Variants in NRXN1 observed in about 807,000 individuals in gnomAD.
NRXN1 encodes neurexin 1.
NRXN1 carries 39 observed loss-of-function variants against 150.9 expected under a neutral mutation model. The ratio of observed to expected loss-of-function variants is 0.26; its 90% CI spans 0.20 to 0.34. NRXN1 has a LOEUF of 0.34. Ranked by LOEUF, NRXN1 falls within the 10% of genes least tolerant of loss-of-function variation. The pLI, the probability that NRXN1 is intolerant of heterozygous loss-of-function variation, is 1.00. For missense variants in NRXN1, 1,815 were observed against 1,949.9 expected (o/e 0.93, Z 1.30); for synonymous variants, 924 against 757.0 (o/e 1.22, Z -3.62).
chr2:50,144,364 G>A (rs1307943604), intron 18 of NRXN1, among the ~76,000 whole-genome samples: 1 of 151,670 alleles, frequency 6.6e-6, no homozygotes, highest in Non-Finnish European at 1.5e-5. Context: ...TTTCATCCAG[G>A]TTGATACTCA....
intron 2 of NRXN1, among the ~76,000 whole-genome samples, chr2:50,975,604 AAT>A (rs1695698033): frequency 6.6e-6 from 1 of 152,088 alleles, no homozygotes; most frequent in Admixed American, 6.6e-5. Flanking sequence ...ATACTCTTGA[AAT>A]ATATTTAACA....
intron 5 of NRXN1, among the ~76,000 whole-genome samples, chr2:50,705,642 T>G (rs1694332768): frequency 6.6e-6 from 1 of 152,176 alleles, no homozygotes; most frequent in African/African-American, 2.4e-5. Flanking sequence ...CTTGAATAAT[T>G]CAGTGGGAAA....
At chr2:50,939,399 T>G (rs1689064903) in intron 2 of NRXN1, among the ~76,000 whole-genome samples, 1 of 151,952 alleles carries the variant, frequency 6.6e-6, no homozygotes, top group African/African-American at 2.4e-5. Flanking sequence ...ATAATTTTGT[T>G]TACAATCTAA....
chr2:50,585,525 G>A (rs1672962518), intron 8 of NRXN1, among the ~76,000 whole-genome samples: 1 of 152,042 alleles, frequency 6.6e-6, no homozygotes, highest in Admixed American at 6.6e-5. Flanking sequence ...TATGTAATTT[G>A]TTTTTTATGA....
chr2:51,010,684 C>G (rs1575212143), intron 2 of NRXN1, among the ~76,000 whole-genome samples: 1 of 151,984 alleles, frequency 6.6e-6, no homozygotes, highest in East Asian at 1.9e-4. Context: ...GTTAAACTGC[C>G]TCTCAAAAGA....
chr2:50,250,915 C>T (rs758583932), intron 17 of NRXN1, among the ~76,000 whole-genome samples: 27 of 150,712 alleles, frequency 1.8e-4, no homozygotes, highest in Non-Finnish European at 3.4e-4. Flanking sequence ...ATATTTATTA[C>T]ACATTGCATA....
intron 8 of NRXN1, chr2:50,619,389 C>G (rs990778535): frequency 7.9e-5 from 12 of 152,078 alleles, no homozygotes; most frequent in African/African-American, 2.9e-4. Context: ...CAACAAATTC[C>G]AATCTTATAC....
intron 17 of NRXN1, among the ~76,000 whole-genome samples, chr2:50,249,822 G>A (rs1056348364): frequency 6.6e-6 from 1 of 151,934 alleles, no homozygotes; most frequent in African/African-American, 2.4e-5. Flanking sequence ...ATTTTTAGTA[G>A]AGATGGGGTT....
At chr2:50,804,820 A>T (rs1045072566) in intron 5 of NRXN1, among the ~76,000 whole-genome samples, 1 of 152,058 alleles carries the variant, frequency 6.6e-6, no homozygotes, top group Non-Finnish European at 1.5e-5. Context: ...TATCAAAACC[A>T]CTTTTCTCTC....
At chr2:49,952,601 T>A (rs1362910410) in intron 21 of NRXN1, among the ~76,000 whole-genome samples, 2 of 152,238 alleles carry the variant, frequency 1.3e-5, no homozygotes, top group South Asian at 2.1e-4. Context: ...CCTAAATGCA[T>A]AACTAATTTT....
At chr2:50,405,824 CA>C (rs2082715780) in intron 17 of NRXN1, among the ~76,000 whole-genome samples, 1 of 152,016 alleles carries the variant, frequency 6.6e-6, no homozygotes. Context: ...ATAATAATTA[CA>C]GGAAAAATAA....
intron 17 of NRXN1, among the ~76,000 whole-genome samples, chr2:50,366,212 T>C (rs1376858311): frequency 1.3e-5 from 2 of 150,682 alleles, no homozygotes; most frequent in African/African-American, 4.9e-5. Context: ...GAATGCAACG[T>C]ATGTTGAGAT....
At chr2:50,564,588 A>C (rs1474152120) in intron 8 of NRXN1, among the ~76,000 whole-genome samples, 1 of 152,154 alleles carries the variant, frequency 6.6e-6, no homozygotes. Flanking sequence ...AATGATATTA[A>C]ATTGATGGAA....
intron 9 of NRXN1, among the ~76,000 whole-genome samples, chr2:50,544,209 C>A (rs1311994160): frequency 2.0e-5 from 3 of 148,424 alleles, no homozygotes; most frequent in Non-Finnish European, 3.0e-5. Context: ...CAAATTCAAA[C>A]TTGATGAAAT....
At chr2:50,829,697 C>T (rs1671118432) in intron 5 of NRXN1, 31 of 1,604,722 alleles carry the variant, frequency 1.9e-5, no homozygotes, top group Admixed American at 1.0e-4. Flanking sequence ...CGCGCCAGGC[C>T]GCCCGCACAC....
intron 2 of NRXN1, among the ~76,000 whole-genome samples, chr2:50,933,676 G>A (rs1310886766): frequency 6.6e-6 from 1 of 152,058 alleles, no homozygotes; most frequent in Admixed American, 6.6e-5. Context: ...CCATGATCTT[G>A]ATTAATCCAT....
chr2:50,070,978 T>C (rs1312542558), intron 19 of NRXN1, among the ~76,000 whole-genome samples: 4 of 152,208 alleles, frequency 2.6e-5, no homozygotes, highest in Non-Finnish European at 4.4e-5. Context: ...TTTCTAGTGA[T>C]CTCTAAATGC....
At chr2:49,984,249 C>G (rs1346658082) in intron 21 of NRXN1, among the ~76,000 whole-genome samples, 1 of 152,072 alleles carries the variant, frequency 6.6e-6, no homozygotes, top group Non-Finnish European at 1.5e-5. Flanking sequence ...GATAAGTAAT[C>G]TAACACACAG....
intron 13 of NRXN1, among the ~76,000 whole-genome samples, chr2:50,502,940 G>A (rs2092023767): frequency 6.6e-6 from 1 of 152,072 alleles, no homozygotes; most frequent in Non-Finnish European, 1.5e-5. Context: ...TCACTAAATG[G>A]AAATTAAATG....
Sources: gnomAD v4.1 joint callset for allele counts (sites outside exome capture counted in the v4.1 genomes callset) on GRCh38, gnomAD v4.1.1 for gene constraint, MANE v1.5 for transcripts, NCBI Gene and HGNC (gene_info 2026-07-23, HGNC 2026-07-21) for gene names.